The following SLC19A1 variants were observed in gnomAD, a reference collection of about 807,000 sequenced individuals.
SLC19A1 encodes the protein solute carrier family 19 member 1.
Under a neutral mutation model 35.3 loss-of-function variants are expected in SLC19A1, and 37 were observed. That is an observed-to-expected ratio of 1.05 (90% CI 0.81 to 1.38). SLC19A1 has a LOEUF of 1.38. Ranked by LOEUF, SLC19A1 falls within the 40% of genes most tolerant of loss-of-function variation. The pLI is 0.00. For missense variants in SLC19A1, 831 were observed against 826.9 expected (o/e 1.00, Z -0.06); for synonymous variants, 460 against 398.5 (o/e 1.15, Z -1.84).
At chr21:45,520,838 TG>T (rs2077415745) in intron 5 of SLC19A1, among the ~76,000 whole-genome samples, 2 of 151,848 alleles carry the variant, frequency 1.3e-5, no homozygotes, top group African/African-American at 4.8e-5. Flanking sequence ...CTGGCCAACA[TG>T]GAGAAACCCC....
At position 45,530,932 on chromosome 21, in the gene SLC19A1, C is replaced by A. The variant is rs746335177; in HGVS notation, c.989G>T (p.Arg330Leu). Reference sequence around the variant, plus strand: ...GAGCAGCTTGGACCAGCGCGCCCAGCGGATCTTCACGAAGCCCGCGGCGAA... The same window carrying A: ...GAGCAGCTTGGACCAGCGCGCCCAGAGGATCTTCACGAAGCCCGCGGCGAA... ...TSFAAGFVKI[R>L]WARWSKLLIA... Residue 330 changes from arginine (R) to leucine (L), a missense_variant, in exon 4 of 6, where the codon CGC becomes CTC. Transcript: ENST00000311124. The surrounding 1 kb of genome is among the most constrained non-coding windows in gnomAD (Gnocchi z 5.3). 7.0e-6 allele frequency: 10 copies of A among 1,433,076 alleles called. 1 individual carries two copies. The South Asian group carries it at 1.5e-4, about 22-fold the overall frequency. 88.8% of individuals were successfully genotyped at this position (1,433,076 alleles called of 1,614,324 possible). A position where few individuals can be genotyped will look rare whatever the true frequency, so the allele number is the denominator to read the frequency against.
chr21:45,556,986 G>A (rs111793915), intron 1 of SLC19A1, among the ~76,000 whole-genome samples: 4 of 152,090 alleles, frequency 2.6e-5, no homozygotes, highest in South Asian at 2.1e-4. Flanking sequence ...CTGGGACGGC[G>A]CCTCAGAGGC....
At chr21:45,549,073 G>C (rs532054472), upstream of SLC19A1, among the ~76,000 whole-genome samples, 6 of 152,278 alleles carry the variant, frequency 3.9e-5, no homozygotes, top group South Asian at 1.2e-3. Context: ...TCCCACAAAA[G>C]CCCATGCACA....
intron 1 of SLC19A1, among the ~76,000 whole-genome samples, chr21:45,549,930 C>A (rs1366976159): frequency 6.6e-6 from 1 of 152,014 alleles, no homozygotes; most frequent in African/African-American, 2.4e-5. Flanking sequence ...CACATCTTGT[C>A]CCCACAGAGA....
upstream of SLC19A1, among the ~76,000 whole-genome samples, chr21:45,548,742 T>TA (rs1002353496): frequency 6.6e-5 from 10 of 151,602 alleles, no homozygotes; most frequent in African/African-American, 2.4e-4. Context: ...AGACTCTGTC[T>TA]AAAAAAATAA....
upstream of SLC19A1, among the ~76,000 whole-genome samples, chr21:45,548,918 G>C (rs766242524): frequency 1.3e-5 from 2 of 152,156 alleles, no homozygotes; most frequent in Non-Finnish European, 2.9e-5. Flanking sequence ...GTGTTGACAA[G>C]GCTGTGGAGT....
At position 45,531,387 on chromosome 21, in the gene SLC19A1, A is replaced by G; in HGVS notation, c.949+2T>C. The stretch of plus-strand genomic sequence containing the variant: ...AAGCCTCGGGGACCAGGGCATGCGT[A>G]CCCAGCAGCGTGGAGGCAGCATCTG... On this transcript the variant is annotated splice_donor_variant, in intron 3 of 5. Transcript: ENST00000311124. LOFTEE classifies it high-confidence loss of function. 1 of 1,573,482 alleles carries G rather than the reference A, an allele frequency of 6.4e-7. No homozygotes were observed. Among genetic ancestry groups the G allele is most frequent in the Non-Finnish European group, 8.6e-7 (1 of 1,158,214 alleles).
intron 5 of SLC19A1, among the ~76,000 whole-genome samples, chr21:45,520,646 G>A (rs369620628): frequency 9.9e-5 from 15 of 152,196 alleles, no homozygotes; most frequent in African/African-American, 3.4e-4. Context: ...TTTGAAGACA[G>A]GGCCTTTCAA....
Position 45,530,952 on chromosome 21 carries a change from G to A in SLC19A1, c.969C>T (p.Ala323=), listed in dbSNP as rs770319340. ...STLLGAITSF[A]AGFVKIRWAR... ...CCCAGCGGATCTTCACGAAGCCCGCGGCGAAGGACGTGATGGCGCCTGAGA... is the reference window on the plus strand; with the variant it reads ...CCCAGCGGATCTTCACGAAGCCCGCAGCGAAGGACGTGATGGCGCCTGAGA... Residue 323 remains alanine, a synonymous_variant, in exon 4 of 6, where the codon GCC becomes GCT. Transcript: ENST00000311124. The surrounding 1 kb of genome is among the most constrained non-coding windows in gnomAD (Gnocchi z 5.3). 1.2e-5 allele frequency: 18 copies of A among 1,452,002 alleles called. 1 individual carries two copies. In the Middle Eastern group the frequency reaches 5.5e-4, roughly 45 times the overall value. The allele number at this position is 1,452,002 out of a possible 1,614,324, so 89.9% of individuals were successfully genotyped here.
rs576503362 is a variant in SLC19A1 at position 45,515,361 on chromosome 21, C to T, written c.*297G>A. The T allele has an allele frequency of 1.2e-4, 166 of 1,437,884 alleles. 1 individual carries two copies. The African/African-American group carries it at 2.3e-3, about 20-fold the overall frequency. The allele number at this position is 1,437,884 out of a possible 1,614,324, so 89.1% of individuals were successfully genotyped here. ...GGGGGCAGAAAGGATTTGTCTCAAG[C>T]CCCCCAAGGGGCATGAGCCAGTGAG... On this transcript the variant is annotated 3_prime_UTR_variant, in exon 6 of 6. Transcript: ENST00000311124.
At chr21:45,531,361 G>A (rs776209750) in intron 3 of SLC19A1, 28 bp downstream of exon 3, 4 of 1,542,054 alleles carry the variant, frequency 2.6e-6, no homozygotes. Context: ...TCTGCGGGAA[G>A]AAGCCTCGGG....
At chr21:45,555,246 C>T (rs1194237771) in intron 1 of SLC19A1, among the ~76,000 whole-genome samples, 2 of 4,184 alleles carry the variant, frequency 4.8e-4, no homozygotes, top group East Asian at 7.6e-3. Flanking sequence ...CAGGGGGCGG[C>T]GCAGGGGGCG....
chr21:45,511,205 A>G, downstream of SLC19A1: 1 of 1,588,708 alleles, frequency 6.3e-7, no homozygotes, highest in Non-Finnish European at 8.6e-7. Context: ...GACGGCAAGG[A>G]CGTCCTGAGG....
downstream of SLC19A1, chr21:45,512,491 G>C (rs2037670302): frequency 1.7e-6 from 2 of 1,186,810 alleles, no homozygotes; most frequent in African/African-American, 3.0e-5. Context: ...CCTGGCCCCA[G>C]GACCTGGCTG....
rs745474726 is a variant in SLC19A1 at position 45,516,040 on chromosome 21, C to T, written c.1394G>A (p.Arg465Gln). The change falls in exon 6 of 6, where the codon CGG (arginine) becomes CAG (glutamine). Residue 465 changes from arginine to glutamine, a missense_variant. Transcript: ENST00000311124. ...CCTCAGGCCCTGGGCCGGGGGCTGC[C>T]GCGGGTGGTGGCCCCGCTGGCAGTG... ...LRHCQRGHHPRQPPAQGLRSA... is the reference protein window; with the variant it reads ...LRHCQRGHHPQQPPAQGLRSA... 16 of 1,581,674 alleles carry T rather than the reference C, an allele frequency of 1.0e-5. No homozygotes were observed. Among genetic ancestry groups the T allele is most frequent in the African/African-American group, 6.7e-5 (5 of 74,680 alleles).
chr21:45,525,695 A>C, intron 5 of SLC19A1, 122 bp downstream of exon 5: 1 of 1,113,504 alleles, frequency 9.0e-7, no homozygotes. Flanking sequence ...TGGAAGCCCC[A>C]GGCCCGCACC....
intron 1 of SLC19A1, among the ~76,000 whole-genome samples, chr21:45,551,001 C>T (rs2078460739): frequency 6.7e-6 from 1 of 150,240 alleles, no homozygotes; most frequent in Admixed American, 6.6e-5. Flanking sequence ...CCCCACAACA[C>T]CCACTTCCTC....
At chr21:45,525,626 A>T (rs2077582841) in intron 5 of SLC19A1, among the ~76,000 whole-genome samples, 191 bp downstream of exon 5, 1 of 151,900 alleles carries the variant, frequency 6.6e-6, no homozygotes, top group African/African-American at 2.4e-5. Flanking sequence ...CGCCCACAAC[A>T]ACTGAGCCCC....
rs571597296 is a variant in SLC19A1, at chr21:45,505,383, CCCCCCTGGG to C, written c.498-6780_498-6772del. 1.5e-3 allele frequency: 2,397 copies of C among 1,584,952 alleles called. 4 individuals are homozygous for C. Among genetic ancestry groups the C allele is most frequent in the Admixed American group, 1.6e-3 (94 of 59,342 alleles). ...CTATCAGCGTTCCCGGCCCTCCGGG[CCCCCCTGGG>C]CCCCCTGGGCCCCCTGGAACCATGG... On this transcript the variant is annotated intron_variant, in intron 3 of 4. Transcript: ENST00000417954.
Sources: gnomAD v4.1 joint callset for allele counts (sites outside exome capture counted in the v4.1 genomes callset) on GRCh38, gnomAD v4.1.1 for gene constraint, Gnocchi (gnomAD v3.1) non-coding constraint, MANE v1.5 for transcripts, NCBI Gene and HGNC (gene_info 2026-07-23, HGNC 2026-07-21) for gene names.